Variants in SLC30A6 observed in about 807,000 individuals in gnomAD.
SLC30A6 encodes the protein solute carrier family 30 member 6.
In SLC30A6, 55 loss-of-function variants were observed where a neutral mutation model predicts 63.0. The ratio of observed to expected loss-of-function variants is 0.87; its 90% CI spans 0.70 to 1.09. The LOEUF is 1.09. Among genes scored for constraint, SLC30A6 ranks in the 50% least tolerant of loss-of-function variants. The pLI is 0.00. For synonymous variants in SLC30A6, 224 were observed against 186.1 expected, an observed-to-expected ratio of 1.20 and a Z score of -1.66; for missense variants, 587 against 549.2, an observed-to-expected ratio of 1.07 and a Z score of -0.69.
chr2:32,191,448 T>C (rs753951630), intron 5 of SLC30A6, among the ~76,000 whole-genome samples: 1 of 152,172 alleles, frequency 6.6e-6, no homozygotes, highest in Non-Finnish European at 1.5e-5. Flanking sequence ...TCTTGAAAAA[T>C]TTTAAGCATT....
At chr2:32,181,923 T>TTTTTC in intron 4 of SLC30A6, among the ~76,000 whole-genome samples, 1 of 149,390 alleles carries the variant, frequency 6.7e-6, no homozygotes, top group African/African-American at 2.5e-5. Flanking sequence ...GTATATTTCG[T>TTTTTC]TTTTCTTTTC....
intron 10 of SLC30A6, chr2:32,203,145 G>T: frequency 7.9e-7 from 1 of 1,271,788 alleles, no homozygotes; most frequent in Non-Finnish European, 1.2e-6. Flanking sequence ...CAACGTGGCT[G>T]CCTGTGGTTT....
intron 5 of SLC30A6, among the ~76,000 whole-genome samples, chr2:32,185,370 A>T (rs1682713545): frequency 6.6e-6 from 1 of 151,896 alleles, no homozygotes; most frequent in Admixed American, 6.6e-5. Flanking sequence ...AAAAAAAAAA[A>T]TTTACTGAAA....
In SLC30A6 at chr2:32,220,131, C is replaced by T. The variant is rs543168403; in HGVS notation, c.886-82C>T. ...AGAAAATGCCAGGAACTTACCAAAT[C>T]ATAAATAAAATGTTTTATCTAATGA... On this transcript the variant is annotated intron_variant, in intron 13 of 13. Coordinates refer to ENST00000282587, the MANE Select transcript of SLC30A6 (RefSeq NM_017964.5). The T allele has an allele frequency of 2.3e-5, 34 of 1,451,726 alleles. No homozygotes were observed. In the African/African-American group the frequency reaches 4.6e-4, roughly 20 times the overall value. 89.9% of individuals were successfully genotyped at this position (1,451,726 alleles called of 1,614,324 possible). A position where few individuals can be genotyped will look rare whatever the true frequency, so the allele number is the denominator to read the frequency against.
intron 5 of SLC30A6, among the ~76,000 whole-genome samples, chr2:32,191,779 A>G (rs1683344172): frequency 6.6e-6 from 1 of 152,022 alleles, no homozygotes; most frequent in African/African-American, 2.4e-5. Flanking sequence ...AGTCCCATCT[A>G]CTCGGGAGGC....
At chr2:32,168,771 T>G (rs1349167346) in intron 1 of SLC30A6, among the ~76,000 whole-genome samples, 1 of 152,176 alleles carries the variant, frequency 6.6e-6, no homozygotes, top group African/African-American at 2.4e-5. Flanking sequence ...TAACTGAAGT[T>G]GAGGGTTTCT....
At chr2:32,202,073 G>A in intron 10 of SLC30A6, 1 of 839,008 alleles carries the variant, frequency 1.2e-6, no homozygotes, top group Middle Eastern at 4.1e-4. Flanking sequence ...CATGAATCAA[G>A]TGATAAGAAG....
intron 13 of SLC30A6, among the ~76,000 whole-genome samples, chr2:32,209,965 A>G (rs1474655879): frequency 6.6e-6 from 1 of 152,178 alleles, no homozygotes; most frequent in Non-Finnish European, 1.5e-5. Flanking sequence ...TTCTTTTTTA[A>G]CTGTAGTTCT....
chr2:32,184,955 A>G lies in SLC30A6; in HGVS notation c.284+617A>G, dbSNP rs1375544744. 4.6e-5 allele frequency among the ~76,000 whole-genome samples: 7 copies of G among 152,358 alleles called. No homozygotes were observed. In the South Asian group the frequency reaches 1.2e-3, roughly 27 times the overall value. On this transcript the variant is annotated intron_variant, in intron 5 of 13. Coordinates refer to ENST00000282587, the MANE Select transcript of SLC30A6 (RefSeq NM_017964.5). ...GTACAAAGGATTTTCATGTTAGTGTATCTTCTAGATGTTAAATAAATGTGA... is the reference window on the plus strand; with the variant it reads ...GTACAAAGGATTTTCATGTTAGTGTGTCTTCTAGATGTTAAATAAATGTGA...
chr2:32,220,567 A>G lies in SLC30A6; in HGVS notation c.1240A>G (p.Asn414Asp). The change falls in exon 14 of 14, where the codon AAT becomes GAT. Residue 414 changes from asparagine to aspartate, a missense_variant. By Grantham distance (23) the Asn-to-Asp change is conservative. Coordinates refer to ENST00000282587, the MANE Select transcript of SLC30A6 (RefSeq NM_017964.5). ...TQTRPYGFGL[N>D]HGHTPYSSML... is the part of the protein sequence containing the mutation. ...AACAAGGCCTTATGGTTTTGGTCTC[A>G]ATCATGGACACACACCTTACAGCAG... 2 of 1,614,208 alleles carry G rather than the reference A, an allele frequency of 1.2e-6. No individual in the cohort carries two copies. Among genetic ancestry groups the G allele is most frequent in the Non-Finnish European group, 1.7e-6 (2 of 1,180,034 alleles).
At chr2:32,199,426 T>C (rs1684073732) in intron 10 of SLC30A6, among the ~76,000 whole-genome samples, 1 of 152,234 alleles carries the variant, frequency 6.6e-6, no homozygotes, top group South Asian at 2.1e-4. Flanking sequence ...ATTTTTTATT[T>C]TTGTAGGCAC....
At chr2:32,168,904 G>A (rs1323685869) in intron 1 of SLC30A6, among the ~76,000 whole-genome samples, 1 of 152,162 alleles carries the variant, frequency 6.6e-6, no homozygotes, top group Non-Finnish European at 1.5e-5. Flanking sequence ...TTTGGGAAGA[G>A]TGATATGACA....
rs958760767 is a variant in SLC30A6 at position 32,220,803 on chromosome 2, T to C, written c.*90T>C. The C allele has an allele frequency of 1.7e-6, 2 of 1,163,204 alleles. No homozygotes were observed. The highest frequency in any genetic ancestry group is 2.4e-6 in the Non-Finnish European group (2 of 826,142). 72.1% of individuals were successfully genotyped at this position (1,163,204 alleles called of 1,614,324 possible). On this transcript the variant is annotated 3_prime_UTR_variant, in exon 14 of 14. Coordinates refer to ENST00000282587, the MANE Select transcript of SLC30A6 (RefSeq NM_017964.5). ...ACTTTGCATTGACTGTTTAATCATT[T>C]ACTCTAAATGTTAGATAATAGTAGT...
At chr2:32,202,352 T>C (rs1684369198) in intron 10 of SLC30A6, 1 of 355,696 alleles carries the variant, frequency 2.8e-6, no homozygotes, top group Admixed American at 3.5e-5. Context: ...TGTTTGTTTG[T>C]TTGTTTTTTG....
chr2:32,173,664 A>G (rs1681439516), intron 2 of SLC30A6, among the ~76,000 whole-genome samples: 1 of 152,274 alleles, frequency 6.6e-6, no homozygotes, highest in African/African-American at 2.4e-5. Context: ...GCACCTGGAC[A>G]AGATTACTAA....
intron 8 of SLC30A6, among the ~76,000 whole-genome samples, chr2:32,196,590 A>G (rs1160299303): frequency 6.6e-6 from 1 of 152,140 alleles, no homozygotes; most frequent in Non-Finnish European, 1.5e-5. Context: ...TTTGCATTAT[A>G]TGTATGGGTT....
chr2:32,206,315 G>A (rs929755301), intron 11 of SLC30A6, among the ~76,000 whole-genome samples: 5 of 151,960 alleles, frequency 3.3e-5, no homozygotes, highest in Non-Finnish European at 7.4e-5. Context: ...GCATGGTGGC[G>A]AGTGCCTGTA....
At chr2:32,203,159 C>G (rs1051271847) in intron 10 of SLC30A6, 2 of 1,254,392 alleles carry the variant, frequency 1.6e-6, no homozygotes, top group African/African-American at 2.9e-5. Context: ...GTGGTTTGGA[C>G]ATTCCTGAAG....
intron 5 of SLC30A6, among the ~76,000 whole-genome samples, chr2:32,188,652 C>T (rs1029739456): frequency 6.6e-6 from 1 of 152,156 alleles, no homozygotes; most frequent in Admixed American, 6.5e-5. Flanking sequence ...CAAGATTGTG[C>T]CACTGTACTC....
Sources: allele counts gnomAD v4.1 joint callset (sites outside exome capture counted in the v4.1 genomes callset), GRCh38; gene constraint gnomAD v4.1.1; transcripts MANE v1.5; gene names NCBI Gene and HGNC (gene_info 2026-07-23, HGNC 2026-07-21).